KIAA0040: variants seen among roughly 807,000 people sequenced by gnomAD.
KIAA0040 encodes KIAA0040, also known as uncharacterized protein KIAA0040.
In KIAA0040, 10 loss-of-function variants were observed where a neutral mutation model predicts 7.2. The ratio of observed to expected loss-of-function variants is 1.38; its 90% CI spans 0.85 to 2.34. KIAA0040 has a LOEUF of 2.34. Ranked by LOEUF, KIAA0040 falls within the 30% of genes most tolerant of loss-of-function variation. KIAA0040 has a pLI of 0.00. For missense variants in KIAA0040, 89 were observed against 108.2 expected (o/e 0.82, Z 0.79); for synonymous variants, 49 against 40.1 (o/e 1.22, Z -0.84).
chr1:175,173,781 G>T (rs978678512), intron 2 of KIAA0040, among the ~76,000 whole-genome samples: 1 of 152,190 alleles, frequency 6.6e-6, no homozygotes, highest in African/African-American at 2.4e-5. Context: ...GAAGAGAAGT[G>T]CAATACAGCA....
chr1:175,168,294 C>T (rs984069124), intron 2 of KIAA0040, among the ~76,000 whole-genome samples: 1 of 151,980 alleles, frequency 6.6e-6, no homozygotes, highest in African/African-American at 2.4e-5. Flanking sequence ...TTACTTAGAC[C>T]CAGCTCTAGG....
In KIAA0040 at chr1:175,171,900, C is replaced by T. The variant is rs562531067; in HGVS notation, c.-309-5163G>A. ...TCAGTCAATCAAGTATTAATTAAGA[C>T]GTGCTAGGAAATATGGGGGAGGTAA... On this transcript the variant is annotated intron_variant, in intron 2 of 3. Coordinates refer to ENST00000423313, the MANE Select transcript of KIAA0040 (RefSeq NM_014656.3). Among the ~76,000 whole-genome samples the T allele has an allele frequency of 3.9e-5, 6 of 152,288 alleles. No individual in the cohort carries two copies. In the East Asian group the frequency reaches 1.2e-3, roughly 29 times the overall value.
chr1:175,166,204 G>T (rs935114646), intron 3 of KIAA0040, among the ~76,000 whole-genome samples: 1 of 152,146 alleles, frequency 6.6e-6, no homozygotes, highest in African/African-American at 2.4e-5. Context: ...TTGGGCCTTT[G>T]CTCAAACAGC....
chr1:175,180,410 A>T (rs558835574), intron 1 of KIAA0040, among the ~76,000 whole-genome samples: 1 of 152,370 alleles, frequency 6.6e-6, no homozygotes, highest in African/African-American at 2.4e-5. Context: ...ATAAAAGATC[A>T]TGTGCCAATT....
chr1:175,184,051 T>C lies in KIAA0040; in HGVS notation c.-383-6367A>G, dbSNP rs144416496. Among the ~76,000 whole-genome samples the C allele has an allele frequency of 3.5e-3, 530 of 152,252 alleles. 4 individuals carry two copies. Among genetic ancestry groups the C allele is most frequent in the African/African-American group, 0.012 (505 of 41,548 alleles). On this transcript the variant is annotated intron_variant, in intron 1 of 3. Coordinates refer to ENST00000423313, the MANE Select transcript of KIAA0040 (RefSeq NM_014656.3). Reference sequence around the variant, plus strand: ...TCCTAGGAGTCCTCAAAATTCTCTTTATGCAAAGAGGAGTTGCAGATGACT... The same window carrying C: ...TCCTAGGAGTCCTCAAAATTCTCTTCATGCAAAGAGGAGTTGCAGATGACT...
chr1:175,161,019 T>G lies in KIAA0040; in HGVS notation c.-6A>C, dbSNP rs1224083836. ...AAGGCACTGATTCTCTCCATGGTGC[T>G]TGGCTAGATTAGGGCCAGAGAACCC... On this transcript the variant is annotated 5_prime_UTR_variant, in exon 4 of 4. Coordinates refer to ENST00000423313, the MANE Select transcript of KIAA0040 (RefSeq NM_014656.3). 1 of 1,546,588 alleles carries G rather than the reference T, an allele frequency of 6.5e-7. No homozygotes were observed. Among genetic ancestry groups the G allele is most frequent in the African/African-American group, 1.4e-5 (1 of 73,032 alleles).
chr1:175,162,430 C>T (rs1054680549), intron 3 of KIAA0040, among the ~76,000 whole-genome samples: 1 of 151,844 alleles, frequency 6.6e-6, no homozygotes, highest in Non-Finnish European at 1.5e-5. Context: ...GACCTCTGGA[C>T]AATGGGTTCA....
At chr1:175,169,327 T>C (rs1388983961) in intron 2 of KIAA0040, among the ~76,000 whole-genome samples, 1 of 152,220 alleles carries the variant, frequency 6.6e-6, no homozygotes, top group Non-Finnish European at 1.5e-5. Context: ...ATATCCTGGG[T>C]CTGAATTCTG....
At chr1:175,181,465 G>T (rs1677436690) in intron 1 of KIAA0040, among the ~76,000 whole-genome samples, 1 of 152,210 alleles carries the variant, frequency 6.6e-6, no homozygotes, top group South Asian at 2.1e-4. Flanking sequence ...TGTGCATGAA[G>T]AACTTCTCTC....
intron 1 of KIAA0040, among the ~76,000 whole-genome samples, chr1:175,179,118 C>T (rs1677336784): frequency 6.6e-6 from 1 of 151,880 alleles, no homozygotes; most frequent in South Asian, 2.1e-4. Context: ...GGTACAGAGG[C>T]CAACAGGTAC....
At chr1:175,176,611 A>ATATGAGTG (rs1677198709) in intron 2 of KIAA0040, 1 of 141,768 alleles carries the variant, frequency 7.1e-6, no homozygotes, top group South Asian at 2.4e-4. Context: ...CAGAGAACAT[A>ATATGAGTG]TATGAGTGAG....
upstream of KIAA0040, chr1:175,192,817 G>GCCCCCCCCCCCCCC (rs1558405268): frequency 7.1e-4 from 88 of 123,518 alleles, no homozygotes; most frequent in Admixed American, 9.3e-4. Flanking sequence ...CGTGGGAGCC[G>GCCCCCCCCCCCCCC]CCCGCCCCGC....
rs1264741988 is a variant in KIAA0040, at chr1:175,159,703, T to C, written c.*1011A>G. 2 of 152,228 alleles carry C rather than the reference T, an allele frequency of 1.3e-5. No individual in the cohort carries two copies. Among genetic ancestry groups the C allele is most frequent in the Non-Finnish European group, 2.9e-5 (2 of 68,044 alleles). The allele number at this position is 152,228 out of a possible 1,614,324, so 9.4% of individuals were successfully genotyped here. A position where few individuals can be genotyped will look rare whatever the true frequency, so the allele number is the denominator to read the frequency against. The stretch of plus-strand genomic sequence containing the variant: ...CTGGAAACTTTGGTTATATAGGAGA[T>C]ACCTAGCTCAGGTGTAGCATCTCCT... On this transcript the variant is annotated 3_prime_UTR_variant, in exon 4 of 4. Transcript: ENST00000423313.
At chr1:175,190,885 ATT>A in intron 1 of KIAA0040, among the ~76,000 whole-genome samples, 1 of 152,196 alleles carries the variant, frequency 6.6e-6, no homozygotes, top group Non-Finnish European at 1.5e-5. Context: ...ATTACACGCT[ATT>A]CCCTACCTGC....
chr1:175,164,246 C>T (rs1235228857), intron 3 of KIAA0040, among the ~76,000 whole-genome samples: 1 of 152,182 alleles, frequency 6.6e-6, no homozygotes, highest in East Asian at 1.9e-4. Flanking sequence ...CTTTAAATCT[C>T]CTTATCCGTT....
At chr1:175,163,014 G>C (rs1676609752) in intron 3 of KIAA0040, among the ~76,000 whole-genome samples, 1 of 152,158 alleles carries the variant, frequency 6.6e-6, no homozygotes, top group East Asian at 1.9e-4. Context: ...AGGTACTGTG[G>C]TTCCCCCATC....
At chr1:175,163,020 C>T (rs1676610180) in intron 3 of KIAA0040, among the ~76,000 whole-genome samples, 1 of 152,184 alleles carries the variant, frequency 6.6e-6, no homozygotes, top group Non-Finnish European at 1.5e-5. Flanking sequence ...TGTGGTTCCC[C>T]CATCCTGCAG....
Position 175,172,962 on chromosome 1 carries a change from A to G in KIAA0040, c.-310+4649T>C, listed in dbSNP as rs115262662. On this transcript the variant is annotated intron_variant, in intron 2 of 3. Transcript: ENST00000423313. ...CATTGTGTGAAAGGTGAAAACATCCATTTGTGAAATAATTATTTTGCTCTA... is the reference window on the plus strand; with the variant it reads ...CATTGTGTGAAAGGTGAAAACATCCGTTTGTGAAATAATTATTTTGCTCTA... Among the ~76,000 whole-genome samples the G allele has an allele frequency of 4.7e-3, 719 of 152,370 alleles. 5 individuals carry two copies. The highest frequency in any genetic ancestry group is 7.1e-3 in the Non-Finnish European group (485 of 68,036).
Position 175,160,768 on chromosome 1 carries a change from G to A in KIAA0040, c.246C>T (p.Ile82=). Residue 82 remains isoleucine, a synonymous_variant, in exon 4 of 4, where the codon ATC becomes ATT. Coordinates refer to ENST00000423313, the MANE Select transcript of KIAA0040 (RefSeq NM_014656.3). ...TCTGGAGAAGCTTGGGTTGAGCAGAGATCCAGAGGTCTTCTTCATCCTTCT... is the reference window on the plus strand; with the variant it reads ...TCTGGAGAAGCTTGGGTTGAGCAGAAATCCAGAGGTCTTCTTCATCCTTCT... ...KKKKDEEDLW[I]SAQPKLLQME... is the part of the protein sequence containing the mutation. 1 of 1,549,296 alleles carries A rather than the reference G, an allele frequency of 6.5e-7. No individual in the cohort carries two copies. The highest frequency in any genetic ancestry group is 8.7e-7 in the Non-Finnish European group (1 of 1,146,848).
Sources: allele counts gnomAD v4.1 joint callset (sites outside exome capture counted in the v4.1 genomes callset), GRCh38; gene constraint gnomAD v4.1.1; transcripts MANE v1.5; gene names NCBI Gene and HGNC (gene_info 2026-07-23, HGNC 2026-07-21).